RELCH: variants seen among roughly 807,000 people sequenced by gnomAD.
RELCH encodes RAB11-binding protein RELCH.
In RELCH, 41 loss-of-function variants were observed where a neutral mutation model predicts 150.3. The ratio of observed to expected loss-of-function variants is 0.27; its 90% CI spans 0.21 to 0.35. The LOEUF is 0.35. Among genes scored for constraint, RELCH ranks in the 10% least tolerant of loss-of-function variants. The pLI is 1.00. For missense variants in RELCH, 1,092 were observed against 1,467.8 expected, an observed-to-expected ratio of 0.74 and a Z score of 4.18; for synonymous variants, 478 against 531.8, an observed-to-expected ratio of 0.90 and a Z score of 1.39.
At chr18:62,265,017 TTCTTA>T (rs1269174609) in intron 18 of RELCH, among the ~76,000 whole-genome samples, 165 bp downstream of exon 18, 1 of 152,078 alleles carries the variant, frequency 6.6e-6, no homozygotes. Flanking sequence ...GTTGGTAATA[TTCTTA>T]TCTTTACTGA....
intron 1 of RELCH, 132 bp downstream of exon 1, chr18:62,188,163 C>A: frequency 3.8e-6 from 4 of 1,051,216 alleles, no homozygotes; most frequent in Non-Finnish European, 2.6e-6. Context: ...GGGGTGGGGG[C>A]GCTCTTTTGC....
intron 22 of RELCH, among the ~76,000 whole-genome samples, chr18:62,278,712 T>C (rs1387993376): frequency 1.3e-5 from 2 of 152,158 alleles, no homozygotes; most frequent in Non-Finnish European, 2.9e-5. Flanking sequence ...TCGGTTGAAC[T>C]CATAAAATTC....
intron 20 of RELCH, among the ~76,000 whole-genome samples, chr18:62,270,958 A>G (rs2043866032): frequency 6.6e-6 from 1 of 152,006 alleles, no homozygotes; most frequent in South Asian, 2.1e-4. Context: ...TCCATGGTGT[A>G]TATGTGCCAC....
intron 18 of RELCH, 108 bp downstream of exon 18, chr18:62,264,960 C>A: frequency 2.3e-6 from 2 of 880,464 alleles, no homozygotes; most frequent in Non-Finnish European, 3.3e-6. Flanking sequence ...TTATCTAATT[C>A]GCTTCTTTAA....
chr18:62,222,896 A>G (rs1346672027), intron 5 of RELCH, among the ~76,000 whole-genome samples: 1 of 149,238 alleles, frequency 6.7e-6, no homozygotes, highest in Non-Finnish European at 1.5e-5. Flanking sequence ...GCATGAGTTA[A>G]AAAAGAAAAG....
chr18:62,304,977 C>T (rs151146756), intron 28 of RELCH, among the ~76,000 whole-genome samples: 1 of 152,272 alleles, frequency 6.6e-6, no homozygotes, highest in African/African-American at 2.4e-5. Context: ...ATTTATCTTC[C>T]AGGATTGCTG....
At chr18:62,244,703 G>GA in intron 10 of RELCH, 61 bp from the exon 11 acceptor site, 2 of 1,084,314 alleles carry the variant, frequency 1.8e-6, no homozygotes, top group Non-Finnish European at 1.4e-6. Flanking sequence ...TATTGTGGAG[G>GA]AAAAAAGAAT....
chr18:62,263,482 A>T (rs1321938963), intron 16 of RELCH, among the ~76,000 whole-genome samples: 1 of 152,004 alleles, frequency 6.6e-6, no homozygotes, highest in East Asian at 1.9e-4. Flanking sequence ...TTAGGTTATA[A>T]TGTATTTATT....
rs1422096685 is a variant in RELCH, at chr18:62,267,430, A to ATGTG, written c.2680+684_2680+685insGTGT. On this transcript the variant is annotated intron_variant, in intron 19 of 28. Coordinates refer to ENST00000644646, the MANE Select transcript of RELCH (RefSeq NM_001346231.2). The stretch of plus-strand genomic sequence containing the variant: ...GAATATATATATAGTCTAGGTATAT[A>ATGTG]TGTATGTGTGTGTGTGTGTGTGTGT... 2.3e-3 allele frequency among the ~76,000 whole-genome samples: 296 copies of ATGTG among 127,692 alleles called. 2 individuals are homozygous for ATGTG. Among genetic ancestry groups the ATGTG allele is most frequent in the African/African-American group, 7.5e-3 (284 of 37,674 alleles). 83.8% of individuals were successfully genotyped at this position (127,692 alleles called of 152,430 possible).
At chr18:62,216,345 G>C (rs2040475922) in intron 2 of RELCH, among the ~76,000 whole-genome samples, 1 of 152,004 alleles carries the variant, frequency 6.6e-6, no homozygotes, top group African/African-American at 2.4e-5. Context: ...TAGAGACCTT[G>C]TTGATTTTAG....
In RELCH at chr18:62,232,434, C is replaced by T; in HGVS notation, c.1620+7C>T. ...GCTATTGGCAAAGAGAGAGGTAAGA[C>T]ACATGAAAGTATTTTCGTCCCAGTA... On this transcript the variant is annotated splice_region_variant and intron_variant, in intron 10 of 28. Transcript: ENST00000644646. 1.9e-6 allele frequency: 3 copies of T among 1,556,544 alleles called. No homozygotes were observed. Among genetic ancestry groups the T allele is most frequent in the African/African-American group, 2.7e-5 (2 of 73,750 alleles).
rs1599734631 is a variant in RELCH at position 62,187,955 on chromosome 18, A to G, written c.450A>G (p.Pro150=). 6.3e-7 allele frequency: 1 copy of G among 1,599,734 alleles called. No individual in the cohort carries two copies. The change falls in exon 1 of 29, where the codon CCA becomes CCG. Residue 150 remains proline, a synonymous_variant. Transcript: ENST00000644646. ...QSGTPPGMGA[P]GVPGAAGVGG... is the part of the protein sequence containing the mutation. ...GAACCCCGCCGGGGATGGGGGCGCCAGGGGTCCCTGGAGCAGCCGGCGTTG... is the reference window on the plus strand; with the variant it reads ...GAACCCCGCCGGGGATGGGGGCGCCGGGGGTCCCTGGAGCAGCCGGCGTTG...
At chr18:62,280,761 A>G (rs1300872232) in intron 24 of RELCH, 52 bp downstream of exon 24, 7 of 1,204,802 alleles carry the variant, frequency 5.8e-6, no homozygotes, top group Non-Finnish European at 8.6e-6. Flanking sequence ...TGTGGTCATG[A>G]TACATGTATC....
At chr18:62,223,008 T>G (rs1454837176) in intron 5 of RELCH, among the ~76,000 whole-genome samples, 1 of 151,886 alleles carries the variant, frequency 6.6e-6, no homozygotes, top group Non-Finnish European at 1.5e-5. Context: ...TTCATAGCAC[T>G]AAATGTCTAT....
Position 62,227,433 on chromosome 18 carries a change from G to T in RELCH, c.1003G>T (p.Ala335Ser). ...TGGAGTAGAAGAAGATGAATTAGAGGCCCTTACACCAATTATAAGCAACCT... is the reference window on the plus strand; with the variant it reads ...TGGAGTAGAAGAAGATGAATTAGAGTCCCTTACACCAATTATAAGCAACCT... ...ASGVEEDELEALTPIISNLPP... is the reference protein window; with the variant it reads ...ASGVEEDELESLTPIISNLPP... Residue 335 changes from alanine (A) to serine (S), a missense_variant, in exon 6 of 29, where the codon GCC becomes TCC. By Grantham distance (99) the Ala-to-Ser change is moderately conservative (BLOSUM62 1). Coordinates refer to ENST00000644646, the MANE Select transcript of RELCH (RefSeq NM_001346231.2). 1.2e-6 allele frequency: 2 copies of T among 1,613,180 alleles called. No homozygotes were observed. The highest frequency in any genetic ancestry group is 1.7e-6 in the Non-Finnish European group (2 of 1,179,572).
Position 62,187,288 on chromosome 18 carries a change from T to G in RELCH, c.-218T>G. The G allele has an allele frequency of 2.6e-6, 1 of 382,364 alleles. No homozygotes were observed. Among genetic ancestry groups the G allele is most frequent in the Non-Finnish European group, 4.7e-6 (1 of 214,438 alleles). 23.7% of individuals were successfully genotyped at this position (382,364 alleles called of 1,614,324 possible). A position where few individuals can be genotyped will look rare whatever the true frequency, so the allele number is the denominator to read the frequency against. On this transcript the variant is annotated 5_prime_UTR_variant, in exon 1 of 29. Transcript: ENST00000644646. Reference sequence around the variant, plus strand: ...CGAGACTGGAGACCAGGAAGACGCCTGCAGAGCCGGGCTGCTGGTGCAGCA... The same window carrying G: ...CGAGACTGGAGACCAGGAAGACGCCGGCAGAGCCGGGCTGCTGGTGCAGCA...
At chr18:62,198,130 C>T (rs1173868827) in intron 1 of RELCH, among the ~76,000 whole-genome samples, 2 of 152,138 alleles carry the variant, frequency 1.3e-5, no homozygotes, top group East Asian at 1.9e-4. Context: ...TTCATCAAGG[C>T]GCCCACACTG....
chr18:62,204,169 C>G (rs1241039553), intron 1 of RELCH, among the ~76,000 whole-genome samples: 5 of 151,878 alleles, frequency 3.3e-5, no homozygotes, highest in Non-Finnish European at 7.4e-5. Flanking sequence ...CTTCTATGTA[C>G]TTTTATTTTA....
intron 28 of RELCH, 51 bp downstream of exon 28, chr18:62,298,911 A>C (rs183663026): frequency 5.9e-6 from 6 of 1,024,936 alleles, no homozygotes; most frequent in African/African-American, 3.2e-5. Flanking sequence ...TAATTTTTCT[A>C]TCTAAATTTG....
Sources: gnomAD v4.1 joint callset for allele counts (sites outside exome capture counted in the v4.1 genomes callset) on GRCh38, gnomAD v4.1.1 for gene constraint, MANE v1.5 for transcripts, NCBI Gene and HGNC (gene_info 2026-07-23, HGNC 2026-07-21) for gene names.